BRMS1: variants seen among roughly 807,000 people sequenced by gnomAD.
BRMS1 encodes BRMS1 transcriptional repressor and anoikis regulator, also known as breast cancer metastasis-suppressor 1.
A neutral mutation model predicts 40.4 loss-of-function variants in BRMS1; 26 were observed. The ratio of observed to expected loss-of-function variants is 0.64; its 90% CI spans 0.47 to 0.89. The LOEUF (loss-of-function observed/expected upper bound fraction) is 0.89, where lower values mean the gene tolerates loss of function less well. Ranked by LOEUF, BRMS1 falls within the 40% of genes least tolerant of loss-of-function variation. The pLI, the probability that BRMS1 is intolerant of heterozygous loss-of-function variation, is 0.00. For synonymous variants in BRMS1, 103 were observed against 116.0 expected (o/e 0.89, Z 0.72); for missense variants, 289 against 309.4 (o/e 0.93, Z 0.49).
intron 9 of BRMS1, 65 bp from the exon 10 acceptor site, chr11:66,337,954 C>T: frequency 1.3e-6 from 2 of 1,547,610 alleles, no homozygotes; most frequent in Non-Finnish European, 1.8e-6. Flanking sequence ...GAGGCAGCCA[C>T]TTACTGAGTG....
Position 66,337,563 on chromosome 11 carries a change from G to T in BRMS1, c.*319C>A. On this transcript the variant is annotated 3_prime_UTR_variant, in exon 10 of 10. Transcript: ENST00000359957. The stretch of plus-strand genomic sequence containing the variant: ...AACATCAGCAAGAGGATGTGGCTTT[G>T]ACTTCGGCTGTCTTCTCTGTCAGGG... 1 of 956,234 alleles carries T rather than the reference G, an allele frequency of 1.0e-6. No homozygotes were observed. The highest frequency in any genetic ancestry group is 1.7e-5 in the South Asian group (1 of 58,432). The allele number at this position is 956,234 out of a possible 1,614,324, so 59.2% of individuals were successfully genotyped here.
Position 66,337,610 on chromosome 11 carries a change from C to A in BRMS1, c.*272G>T, listed in dbSNP as rs1216258236. On this transcript the variant is annotated 3_prime_UTR_variant, in exon 10 of 10. Coordinates refer to ENST00000359957, the MANE Select transcript of BRMS1 (RefSeq NM_015399.4). ...AGGGGAGCCCCAAGAGATGGATCTTCAGGAGTGGGAGGTGGCAGGCGGCTC... is the reference window on the plus strand; with the variant it reads ...AGGGGAGCCCCAAGAGATGGATCTTAAGGAGTGGGAGGTGGCAGGCGGCTC... The A allele has an allele frequency of 5.2e-5, 70 of 1,340,606 alleles. No individual in the cohort carries two copies. Among genetic ancestry groups the A allele is most frequent in the Middle Eastern group, 3.9e-4 (2 of 5,080 alleles). The allele number at this position is 1,340,606 out of a possible 1,614,324, so 83.0% of individuals were successfully genotyped here.
Position 66,341,639 on chromosome 11 carries a change from A to C in BRMS1, c.140-16T>G. The C allele has an allele frequency of 1.2e-6, 2 of 1,611,628 alleles. No individual in the cohort carries two copies. The highest frequency in any genetic ancestry group is 1.7e-5 in the Admixed American group (1 of 60,022). The stretch of plus-strand genomic sequence containing the variant: ...TCATCCATCTCTGGGACAAGAGGCC[A>C]GTAAGGGCTAGCTCTGGGGAGGAGT... On this transcript the variant is annotated splice_polypyrimidine_tract_variant and intron_variant, in intron 2 of 9. Coordinates refer to ENST00000359957, the MANE Select transcript of BRMS1 (RefSeq NM_015399.4). This position sits in a 1 kb window ranked among gnomAD's most constrained non-coding sequence, Gnocchi z 4.9.
chr11:66,342,669 C>T (rs543506916), intron 1 of BRMS1, among the ~76,000 whole-genome samples: 4 of 152,304 alleles, frequency 2.6e-5, no homozygotes, highest in Admixed American at 2.6e-4. Context: ...TGGGTTCAAG[C>T]GATTCTCCTG....
chr11:66,337,853 G>A lies in BRMS1; in HGVS notation c.*29C>T. 6.2e-7 allele frequency: 1 copy of A among 1,614,182 alleles called. No individual in the cohort carries two copies. The highest frequency in any genetic ancestry group is 1.1e-5 in the South Asian group (1 of 91,086). On this transcript the variant is annotated 3_prime_UTR_variant, in exon 10 of 10. Transcript: ENST00000359957. ...TCCTGGGTGCAGTGCCAGCTGCTCT[G>A]AGGGTCCCCCTGGCTGTGAACAGCA...
chr11:66,341,699 ATG>A lies in BRMS1; in HGVS notation c.140-78_140-77del, dbSNP rs367980538. 7.7e-5 allele frequency: 95 copies of A among 1,236,566 alleles called. No homozygotes were observed. The highest frequency in any genetic ancestry group is 9.7e-5 in the Non-Finnish European group (82 of 841,588). 76.6% of individuals were successfully genotyped at this position (1,236,566 alleles called of 1,614,324 possible). On this transcript the variant is annotated intron_variant, in intron 2 of 9. Transcript: ENST00000359957. This position sits in a 1 kb window ranked among gnomAD's most constrained non-coding sequence, Gnocchi z 4.9. Reference sequence around the variant, plus strand: ...CCGCATGTGTGCATGTGCGTCCTGCATGTGTGTGTGTGCATGCATGCCTGTGT... The same window carrying A: ...CCGCATGTGTGCATGTGCGTCCTGCATGTGTGTGTGCATGCATGCCTGTGT...
At chr11:66,342,324 G>C (rs1172252451) in intron 1 of BRMS1, 83 bp from the exon 2 acceptor site, 1 of 1,539,174 alleles carries the variant, frequency 6.5e-7, no homozygotes, top group South Asian at 1.2e-5. Context: ...AACACAACTC[G>C]ATCCCAGATG....
Position 66,340,842 on chromosome 11 carries a change from A to C in BRMS1, c.467T>G (p.Leu156Arg). 3 of 1,614,060 alleles carry C rather than the reference A, an allele frequency of 1.9e-6. No homozygotes were observed. Among genetic ancestry groups the C allele is most frequent in the Non-Finnish European group, 2.5e-6 (3 of 1,180,012 alleles). Residue 156 changes from leucine (L) to arginine (R), a missense_variant, in exon 6 of 10, where the codon CTG (leucine) becomes CGG (arginine). Leu to Arg is a moderately radical substitution (Grantham distance 102, BLOSUM62 -2). Transcript: ENST00000359957. ...GATCCGCTCCTGCAGCTCCCCCTGCAGCGTGTCATAGAGCAGCAGCTTCTC... is the reference window on the plus strand; with the variant it reads ...GATCCGCTCCTGCAGCTCCCCCTGCCGCGTGTCATAGAGCAGCAGCTTCTC... The part of the protein sequence containing the change: ...ESEKLLLYDT[L>R]QGELQERIQR...
rs1854979502 is a variant in BRMS1 at position 66,338,299 on chromosome 11, A to G, written c.694-17T>C. ...TGCCCTAGCCTGGGTGGGTGAGAAG[A>G]AAAGCTCCCCTGAGAGCCCACCTCC... On this transcript the variant is annotated splice_polypyrimidine_tract_variant and intron_variant, in intron 8 of 9. Transcript: ENST00000359957. 3.1e-6 allele frequency: 5 copies of G among 1,604,506 alleles called. No homozygotes were observed. Among genetic ancestry groups the G allele is most frequent in the Non-Finnish European group, 4.3e-6 (5 of 1,175,242 alleles).
chr11:66,341,710 T>C lies in BRMS1; in HGVS notation c.140-87A>G. 5.5e-6 allele frequency: 6 copies of C among 1,083,482 alleles called. No homozygotes were observed. Among genetic ancestry groups the C allele is most frequent in the Non-Finnish European group, 8.5e-6 (6 of 703,224 alleles). 67.1% of individuals were successfully genotyped at this position (1,083,482 alleles called of 1,614,324 possible). A position where few individuals can be genotyped will look rare whatever the true frequency, so the allele number is the denominator to read the frequency against. Reference sequence around the variant, plus strand: ...CATGTGCGTCCTGCATGTGTGTGTGTGCATGCATGCCTGTGTGTAGGGCCT... The same window carrying C: ...CATGTGCGTCCTGCATGTGTGTGTGCGCATGCATGCCTGTGTGTAGGGCCT... On this transcript the variant is annotated intron_variant, in intron 2 of 9. Coordinates refer to ENST00000359957, the MANE Select transcript of BRMS1 (RefSeq NM_015399.4). The surrounding 1 kb of genome is among the most constrained non-coding windows in gnomAD (Gnocchi z 4.9).
Position 66,341,965 on chromosome 11 carries a change from G to A in BRMS1, c.139+131C>T. The A allele has an allele frequency of 9.9e-7, 1 of 1,013,150 alleles. No individual in the cohort carries two copies. The highest frequency in any genetic ancestry group is 1.5e-6 in the Non-Finnish European group (1 of 688,776). The allele number at this position is 1,013,150 out of a possible 1,614,324, so 62.8% of individuals were successfully genotyped here. On this transcript the variant is annotated intron_variant, in intron 2 of 9. Transcript: ENST00000359957. The surrounding 1 kb of genome is among the most constrained non-coding windows in gnomAD (Gnocchi z 4.9). ...GTGTGTGCGCTTGTGTGCAGGGTCT[G>A]TGTATGTGCTTGTGTGTAGGCGCTG...
intron 8 of BRMS1, 146 bp downstream of exon 8, chr11:66,338,575 T>C (rs991363468): frequency 6.5e-7 from 1 of 1,550,266 alleles, no homozygotes; most frequent in African/African-American, 1.4e-5. Flanking sequence ...AGAGGACTTG[T>C]GAGCCAACTG....
chr11:66,341,550 G>C lies in BRMS1; in HGVS notation c.213C>G (p.Phe71Leu). The C allele has an allele frequency of 6.2e-7, 1 of 1,614,096 alleles. No individual in the cohort carries two copies. The highest frequency in any genetic ancestry group is 1.6e-4 in the Middle Eastern group (1 of 6,062). ...ACGCTCACTTCTCCTTTAGCTCCGA[G>C]AACTGCTTCTCTAGGTCCAGCATCT... ...VSEMLDLEKQ[F>L]SELKEKLFRE... Residue 71 changes from phenylalanine (F) to leucine (L), a missense_variant, in exon 3 of 10, where the codon TTC becomes TTG. Transcript: ENST00000359957. The surrounding 1 kb of genome is among the most constrained non-coding windows in gnomAD (Gnocchi z 4.9).
chr11:66,342,199 C>T lies in BRMS1; in HGVS notation c.36G>A (p.Glu12=). The part of the protein sequence containing the change: ...PVQPPSKDTE[E]MEAEGDSAAE... Reference sequence around the variant, plus strand: ...CAGCAGAATCACCCTCTGCTTCCATCTCTTCTGTGTCTTTGCTTGGAGGCT... The same window carrying T: ...CAGCAGAATCACCCTCTGCTTCCATTTCTTCTGTGTCTTTGCTTGGAGGCT... Residue 12 remains glutamate (E), a synonymous_variant, in exon 2 of 10, where the codon GAG becomes GAA. Transcript: ENST00000359957. The T allele has an allele frequency of 6.2e-7, 1 of 1,613,820 alleles. No homozygotes were observed.
chr11:66,341,014 T>C lies in BRMS1; in HGVS notation c.391A>G (p.Arg131Gly). 6.2e-7 allele frequency: 1 copy of C among 1,614,052 alleles called. No individual in the cohort carries two copies. Among genetic ancestry groups the C allele is most frequent in the Non-Finnish European group, 8.5e-7 (1 of 1,180,018 alleles). Reference sequence around the variant, plus strand: ...TGCAGCTCACATTCGTACTTATTCCTGATCACATCCAGACAGAAGCCCTTG... The same window carrying C: ...TGCAGCTCACATTCGTACTTATTCCCGATCACATCCAGACAGAAGCCCTTG... ...IYKGFCLDVI[R>G]NKYECELQGA... is the part of the protein sequence containing the mutation. Residue 131 changes from arginine (R) to glycine (G), a missense_variant, in exon 5 of 10, where the codon AGG (arginine) becomes GGG (glycine). Transcript: ENST00000359957. This position sits in a 1 kb window ranked among gnomAD's most constrained non-coding sequence, Gnocchi z 4.9.
Position 66,340,887 on chromosome 11 carries a change from T to C in BRMS1, c.439-17A>G, listed in dbSNP as rs766143638. The C allele has an allele frequency of 1.9e-5, 30 of 1,613,894 alleles. No individual in the cohort carries two copies. The highest frequency in any genetic ancestry group is 5.0e-5 in the Admixed American group (3 of 60,008). On this transcript the variant is annotated splice_polypyrimidine_tract_variant and intron_variant, in intron 5 of 9. Transcript: ENST00000359957. ...CTTCTCACTCTGGAAGAGGGGGCAA[T>C]AGCTCAGCAGGACGGATGGGGTGAG...
Position 66,341,165 on chromosome 11 carries a change from G to T in BRMS1, c.358+41C>A. ...AGAGAGGAAGGGGACAGGGTGCCAC[G>T]GGTTCTGGGAGGGGAAGAGGGTACA... On this transcript the variant is annotated intron_variant, in intron 4 of 9. Transcript: ENST00000359957. The surrounding 1 kb of genome is among the most constrained non-coding windows in gnomAD (Gnocchi z 4.9). 6.2e-7 allele frequency: 1 copy of T among 1,611,192 alleles called. No homozygotes were observed. The highest frequency in any genetic ancestry group is 8.5e-7 in the Non-Finnish European group (1 of 1,177,948).
At chr11:66,344,841 C>G (rs1855167411) in intron 1 of BRMS1, 131 bp downstream of exon 1, 1 of 152,310 alleles carries the variant, frequency 6.6e-6, no homozygotes, top group South Asian at 2.1e-4. Context: ...CGGAATATCA[C>G]TGGCTCGCCC....
chr11:66,337,415 G>A lies in BRMS1; in HGVS notation c.*467C>T. On this transcript the variant is annotated 3_prime_UTR_variant, in exon 10 of 10. Transcript: ENST00000359957. ...AGAACTGCCCTGAGAACACCTGGGG[G>A]GCCTGGCATCTTGCCTCCAGATCCA... 1 of 497,058 alleles carries A rather than the reference G, an allele frequency of 2.0e-6. No individual in the cohort carries two copies. Among genetic ancestry groups the A allele is most frequent in the Non-Finnish European group, 3.6e-6 (1 of 276,442 alleles). 30.8% of individuals were successfully genotyped at this position (497,058 alleles called of 1,614,324 possible).
Sources: gnomAD v4.1 joint callset for allele counts (sites outside exome capture counted in the v4.1 genomes callset) on GRCh38, gnomAD v4.1.1 for gene constraint, Gnocchi (gnomAD v3.1) non-coding constraint, MANE v1.5 for transcripts, NCBI Gene and HGNC (gene_info 2026-07-23, HGNC 2026-07-21) for gene names.